The following SPATA16 variants were observed in gnomAD, a reference collection of about 807,000 sequenced individuals.
SPATA16 encodes the protein spermatogenesis-associated protein 16.
In SPATA16, 36 loss-of-function variants were observed where a neutral mutation model predicts 63.3. The observed-to-expected ratio is 0.57, with a 90% CI of 0.44 to 0.75. The LOEUF is 0.75. SPATA16 is among the 30% of genes least tolerant of loss of function. The pLI, the probability that SPATA16 is intolerant of heterozygous loss-of-function variation, is 0.00. For synonymous variants in SPATA16, 203 were observed against 216.7 expected, an observed-to-expected ratio of 0.94 and a Z score of 0.56; for missense variants, 646 against 679.3, an observed-to-expected ratio of 0.95 and a Z score of 0.54.
In SPATA16 at chr3:172,895,947, C is replaced by G. The variant is rs372463635; in HGVS notation, c.1588-6255G>C. Among the ~76,000 whole-genome samples the G allele has an allele frequency of 5.3e-5, 8 of 151,828 alleles. No individual in the cohort carries two copies. In the East Asian group the frequency reaches 1.5e-3, roughly 29 times the overall value. On this transcript the variant is annotated intron_variant, in intron 10 of 10. Transcript: ENST00000351008. ...TCTTTATTTTTCTGGGATAAAAGCC[C>G]AGGAGGGCAATTTCTAGGTTATATG...
At chr3:173,100,707 C>CACAGAGAG (rs1553803001) in intron 2 of SPATA16, among the ~76,000 whole-genome samples, 1 of 143,810 alleles carries the variant, frequency 7.0e-6, no homozygotes, top group African/African-American at 2.7e-5. Context: ...CACACACACA[C>CACAGAGAG]AGAGTAAATT....
chr3:172,896,509 C>T (rs907380510), intron 10 of SPATA16, among the ~76,000 whole-genome samples: 3 of 152,220 alleles, frequency 2.0e-5, no homozygotes, highest in African/African-American at 7.2e-5. Flanking sequence ...GCGTGAGCCA[C>T]CGTGCCCGAA....
chr3:173,134,513 A>G (rs147276166), intron 1 of SPATA16, among the ~76,000 whole-genome samples: 1,733 of 151,968 alleles, frequency 0.011, 30 homozygotes, highest in African/African-American at 0.039. Context: ...AAAGTAAGCC[A>G]TTGTAAAGCA....
intron 8 of SPATA16, 137 bp downstream of exon 8, chr3:172,924,071 G>GT (rs1732672987): frequency 1.4e-6 from 1 of 698,830 alleles, no homozygotes; most frequent in African/African-American, 1.8e-5. Context: ...AAATTTGCTT[G>GT]TTTTTGCAAA....
At chr3:173,072,507 A>G (rs541599859) in intron 2 of SPATA16, among the ~76,000 whole-genome samples, 1 of 152,282 alleles carries the variant, frequency 6.6e-6, no homozygotes, top group South Asian at 2.1e-4. Flanking sequence ...AATTTTCCCC[A>G]CACTGTTTTT....
chr3:172,955,053 G>A (rs1056314046), intron 6 of SPATA16, among the ~76,000 whole-genome samples: 17 of 152,094 alleles, frequency 1.1e-4, no homozygotes, highest in South Asian at 4.1e-4. Context: ...AGCATGAATC[G>A]TCTTGCCAAC....
chr3:173,022,331 G>A (rs572504606), intron 3 of SPATA16, among the ~76,000 whole-genome samples: 4 of 152,094 alleles, frequency 2.6e-5, no homozygotes, highest in South Asian at 2.1e-4. Context: ...TATGATTCCC[G>A]GCTTCATAAG....
intron 3 of SPATA16, among the ~76,000 whole-genome samples, chr3:173,035,578 G>T (rs1441949195): frequency 1.3e-5 from 2 of 152,048 alleles, no homozygotes; most frequent in East Asian, 3.8e-4. Context: ...TTTTATGAAA[G>T]AAACTACTAA....
chr3:172,933,231 A>G (rs79848881), intron 6 of SPATA16, among the ~76,000 whole-genome samples: 1 of 152,302 alleles, frequency 6.6e-6, no homozygotes, highest in African/African-American at 2.4e-5. Flanking sequence ...CTTGCACTGT[A>G]TGAGAGTTGG....
intron 8 of SPATA16, among the ~76,000 whole-genome samples, chr3:172,922,177 C>T (rs540086322): frequency 1.3e-5 from 2 of 152,312 alleles, no homozygotes; most frequent in South Asian, 4.1e-4. Flanking sequence ...AATAAGAAAC[C>T]TAGTACCTGA....
chr3:173,140,507 G>C (rs570989456), intron 1 of SPATA16, among the ~76,000 whole-genome samples: 1 of 152,120 alleles, frequency 6.6e-6, no homozygotes, highest in African/African-American at 2.4e-5. Context: ...CGCATTTTAC[G>C]CCAGGCATGA....
intron 6 of SPATA16, among the ~76,000 whole-genome samples, chr3:172,956,308 T>C (rs936885794): frequency 2.0e-5 from 3 of 152,038 alleles, no homozygotes; most frequent in Middle Eastern, 3.4e-3. Context: ...GTAGAAATAG[T>C]AGGGACTGGA....
chr3:172,897,302 T>C (rs1467235394), intron 10 of SPATA16, among the ~76,000 whole-genome samples: 1 of 152,178 alleles, frequency 6.6e-6, no homozygotes, highest in Non-Finnish European at 1.5e-5. Context: ...TTCTGTTCCA[T>C]TGAGCTTTGT....
intron 2 of SPATA16, among the ~76,000 whole-genome samples, chr3:173,112,573 G>A (rs946625282): frequency 6.6e-6 from 1 of 152,118 alleles, no homozygotes; most frequent in Non-Finnish European, 1.5e-5. Flanking sequence ...AATAATAACA[G>A]TATTATCTCA....
intron 4 of SPATA16, among the ~76,000 whole-genome samples, chr3:173,018,974 G>A (rs1248849393): frequency 6.6e-6 from 1 of 152,128 alleles, no homozygotes; most frequent in Admixed American, 6.5e-5. Context: ...TAAGTTCTGG[G>A]ATGCAAATAT....
At chr3:173,125,687 C>T (rs1738207915) in intron 1 of SPATA16, among the ~76,000 whole-genome samples, 1 of 152,178 alleles carries the variant, frequency 6.6e-6, no homozygotes, top group Non-Finnish European at 1.5e-5. Context: ...GTAATCAGCC[C>T]TACCAAGTTG....
At chr3:172,908,829 A>C (rs1355611285) in intron 10 of SPATA16, among the ~76,000 whole-genome samples, 2 of 152,042 alleles carry the variant, frequency 1.3e-5, no homozygotes, top group Non-Finnish European at 2.9e-5. Context: ...TGTAGCTTGT[A>C]CAATTAGGTT....
intron 2 of SPATA16, among the ~76,000 whole-genome samples, chr3:173,074,870 T>C (rs532777768): frequency 1.3e-5 from 2 of 151,738 alleles, no homozygotes; most frequent in East Asian, 3.9e-4. Flanking sequence ...TAGTGGCGTA[T>C]GCCTGTAATC....
At chr3:172,916,293 C>T (rs1277771503) in intron 9 of SPATA16, 24 bp downstream of exon 9, 1 of 1,610,746 alleles carries the variant, frequency 6.2e-7, no homozygotes, top group Non-Finnish European at 8.5e-7. Flanking sequence ...CCTATGAAAC[C>T]CTTAAACAAA....
Sources: gnomAD v4.1 joint callset for allele counts (sites outside exome capture counted in the v4.1 genomes callset) on GRCh38, gnomAD v4.1.1 for gene constraint, MANE v1.5 for transcripts, NCBI Gene and HGNC (gene_info 2026-07-23, HGNC 2026-07-21) for gene names.